The following IL7 variants were observed in gnomAD, a reference collection of about 807,000 sequenced individuals.
The protein encoded by IL7 is interleukin 7.
A neutral mutation model predicts 21.6 loss-of-function variants in IL7; 3 were observed. The observed-to-expected ratio is 0.14, with a 90% CI of 0.06 to 0.36. The LOEUF (loss-of-function observed/expected upper bound fraction) is 0.36. IL7 is among the 10% of genes least tolerant of loss of function. IL7 has a pLI of 1.00. For synonymous variants in IL7, 62 were observed against 68.1 expected (o/e 0.91, Z 0.44); for missense variants, 175 against 200.2 (o/e 0.87, Z 0.76).
intron 1 of IL7, among the ~76,000 whole-genome samples, chr8:78,798,838 C>T (rs547242334): frequency 6.6e-6 from 1 of 152,040 alleles, no homozygotes; most frequent in Non-Finnish European, 1.5e-5. Flanking sequence ...TCTCTGAGTC[C>T]CCAGAGACCC....
intron 3 of IL7, among the ~76,000 whole-genome samples, chr8:78,727,308 A>G (rs62519003): frequency 0.052 from 7,837 of 152,110 alleles, 283 homozygotes; most frequent in Middle Eastern, 0.082. Flanking sequence ...TGCATGACAT[A>G]TATAATAGAT....
downstream of IL7, among the ~76,000 whole-genome samples, chr8:78,714,956 A>G (rs1172110044): frequency 6.6e-6 from 1 of 152,170 alleles, no homozygotes; most frequent in African/African-American, 2.4e-5. Flanking sequence ...CAGAATGATT[A>G]CCTTATAAAT....
chr8:78,757,738 G>C (rs1195652545), intron 2 of IL7, among the ~76,000 whole-genome samples: 2 of 151,970 alleles, frequency 1.3e-5, no homozygotes, highest in African/African-American at 2.4e-5. Flanking sequence ...ATATGCATGG[G>C]ATATGGTTTC....
intron 4 of IL7, among the ~76,000 whole-genome samples, chr8:78,677,335 G>A (rs1809612877): frequency 1.3e-5 from 2 of 150,560 alleles, no homozygotes; most frequent in Non-Finnish European, 3.0e-5. Context: ...CTGAATAAAT[G>A]AATGAATGGA....
Position 78,783,603 on chromosome 8 carries a change from A to T in IL7, c.147+14469T>A, listed in dbSNP as rs140476205. On this transcript the variant is annotated intron_variant, in intron 2 of 5. Transcript: ENST00000263851. ...AGTAATGGTTATATACCATCCTACA[A>T]GCAGCGATCTAATTACCAATTAACA... Among the ~76,000 whole-genome samples, 789 of 152,262 alleles carry T rather than the reference A, an allele frequency of 5.2e-3. 10 individuals are homozygous for T. The highest frequency in any genetic ancestry group is 0.018 in the African/African-American group (761 of 41,548).
intron 3 of IL7, among the ~76,000 whole-genome samples, chr8:78,703,949 C>T (rs1260953105): frequency 1.3e-5 from 2 of 152,072 alleles, no homozygotes; most frequent in Non-Finnish European, 2.9e-5. Context: ...TTTAGTGCTT[C>T]CTTCAGGAGC....
At chr8:78,720,985 C>T (rs1811226376) in intron 5 of IL7, 1 of 151,894 alleles carries the variant, frequency 6.6e-6, no homozygotes, top group Non-Finnish European at 1.5e-5. Flanking sequence ...AGATCAACTA[C>T]TGTAAGGTGC....
Position 78,741,471 on chromosome 8 carries a change from C to T in IL7, c.148-1389G>A, listed in dbSNP as rs977475379. On this transcript the variant is annotated intron_variant, in intron 2 of 5. Coordinates refer to ENST00000263851, the MANE Select transcript of IL7 (RefSeq NM_000880.4). ...TCATCCTTCAAAAAAGAAGGTGAAA[C>T]GTGTAGCTACTCTATATGTTATCTT... Among the ~76,000 whole-genome samples the T allele has an allele frequency of 3.4e-4, 52 of 152,142 alleles. 1 individual carries two copies. The highest frequency in any genetic ancestry group is 2.6e-3 in the Admixed American group (39 of 15,280).
intron 2 of IL7, among the ~76,000 whole-genome samples, chr8:78,743,810 CT>C (rs1015423438): frequency 2.6e-5 from 4 of 151,776 alleles, no homozygotes; most frequent in Non-Finnish European, 2.9e-5. Context: ...TTTTTTCCCC[CT>C]GGCACAATTT....
intron 3 of IL7, among the ~76,000 whole-genome samples, chr8:78,700,620 AG>A (rs1174711785): frequency 1.3e-5 from 2 of 152,128 alleles, no homozygotes; most frequent in East Asian, 3.8e-4. Flanking sequence ...GTTGTCTTCC[AG>A]GGTTTTTATA....
chr8:78,796,996 C>T (rs1410827549), intron 2 of IL7, among the ~76,000 whole-genome samples: 1 of 151,964 alleles, frequency 6.6e-6, no homozygotes, highest in African/African-American at 2.4e-5. Flanking sequence ...TTGGAAGCAA[C>T]TGTGACACAT....
At chr8:78,750,204 G>T (rs1812119683) in intron 2 of IL7, among the ~76,000 whole-genome samples, 1 of 151,900 alleles carries the variant, frequency 6.6e-6, no homozygotes, top group African/African-American at 2.4e-5. Context: ...TCACATGTTG[G>T]AAGGCTGCCC....
intron 2 of IL7, among the ~76,000 whole-genome samples, chr8:78,791,365 CA>C (rs1476187048): frequency 2.0e-5 from 3 of 152,168 alleles, no homozygotes; most frequent in African/African-American, 7.2e-5. Flanking sequence ...TTAGGCCAAG[CA>C]CAGTGACTCA....
At position 78,696,429 on chromosome 8, in the gene IL7, T is replaced by C. The variant is rs1810417333; in HGVS notation, n.215-10482A>G. Among the ~76,000 whole-genome samples the C allele has an allele frequency of 2.0e-5, 3 of 152,314 alleles. 1 individual carries two copies. In the South Asian group the frequency reaches 6.2e-4, roughly 32 times the overall value. ...TGATTTTCACCTTATGGTTGAAGCA[T>C]TGGGCTAGAACCAGCATGAGTCTAA... On this transcript the variant is annotated intron_variant and non_coding_transcript_variant, in intron 3 of 4. Coordinates refer to the IL7 transcript ENST00000523959.
At chr8:78,727,643 A>G (rs1811361091) in intron 3 of IL7, among the ~76,000 whole-genome samples, 2 of 152,038 alleles carry the variant, frequency 1.3e-5, no homozygotes, top group African/African-American at 4.8e-5. Context: ...CCTGAGAAAT[A>G]TGTATCCAAA....
downstream of IL7, among the ~76,000 whole-genome samples, chr8:78,714,181 C>G (rs1394964703): frequency 6.6e-6 from 1 of 152,128 alleles, no homozygotes; most frequent in Non-Finnish European, 1.5e-5. Context: ...CAATGAACAT[C>G]TAAATCCTAG....
intron 4 of IL7, 127 bp downstream of exon 4, chr8:78,738,377 A>G (rs937999438): frequency 1.3e-5 from 10 of 755,516 alleles, no homozygotes; most frequent in Non-Finnish European, 2.0e-5. Flanking sequence ...GAGTAAACAT[A>G]CTTCAACTTT....
chr8:78,762,048 G>C (rs1480894273), intron 2 of IL7: 2 of 1,602,114 alleles, frequency 1.2e-6, no homozygotes, highest in Admixed American at 3.4e-5. Flanking sequence ...TTATGTTTTT[G>C]TTCCTGCTCA....
intron 1 of IL7, among the ~76,000 whole-genome samples, chr8:78,800,019 A>T (rs1252869718): frequency 6.6e-6 from 1 of 152,150 alleles, no homozygotes; most frequent in Non-Finnish European, 1.5e-5. Context: ...TGTATCTATC[A>T]CCTGAATAGT....
Sources: allele counts gnomAD v4.1 joint callset (sites outside exome capture counted in the v4.1 genomes callset), GRCh38; gene constraint gnomAD v4.1.1; transcripts MANE v1.5; gene names NCBI Gene and HGNC (gene_info 2026-07-23, HGNC 2026-07-21).